The following ZNF469 variants were observed in gnomAD, a reference collection of about 807,000 sequenced individuals.
ZNF469 encodes the protein zinc finger protein 469.
A neutral mutation model predicts 1.0 loss-of-function variants in ZNF469; 1 was observed. That is an observed-to-expected ratio of 1.00 (90% confidence interval 0.35 to 4.73). The LOEUF is 4.73. Among genes scored for constraint, ZNF469 ranks in the 30% most tolerant of loss-of-function variants. ZNF469 has a pLI of 0.16. For missense variants in ZNF469, 6,100 were observed against 5,356.3 expected (o/e 1.14, Z -4.33); for synonymous variants, 2,703 against 2,363.4 (o/e 1.14, Z -4.17).
At chr16:88,341,718 G>A in the ZNF469 span, among the ~76,000 whole-genome samples, 1 of 152,188 alleles carries the variant, frequency 6.6e-6, no homozygotes, top group Non-Finnish European at 1.5e-5. Flanking sequence ...GAGGCAGGTG[G>A]TGCAGCGTCC....
chr16:88,256,117 T>C, the ZNF469 span, among the ~76,000 whole-genome samples: 1 of 152,144 alleles, frequency 6.6e-6, no homozygotes, highest in Non-Finnish European at 1.5e-5. Context: ...ATTCTGTGGG[T>C]TTGGAAAAAT....
chr16:88,154,947 G>A, the ZNF469 span, among the ~76,000 whole-genome samples: 4 of 152,228 alleles, frequency 2.6e-5, no homozygotes, highest in Admixed American at 2.0e-4. Context: ...GCAGTGGGGT[G>A]TGGGTGGCAG....
the ZNF469 span, among the ~76,000 whole-genome samples, chr16:88,233,897 C>T: frequency 3.3e-3 from 505 of 152,362 alleles, 2 homozygotes; most frequent in African/African-American, 0.012. Flanking sequence ...GCCCGCAGCC[C>T]CGTCTGAAGC....
rs1438077988 is a variant in ZNF469, at chr16:88,428,727, C to T, written c.1257C>T (p.Ser419=). The T allele has an allele frequency of 1.3e-6, 2 of 1,547,550 alleles. No individual in the cohort carries two copies. The highest frequency in any genetic ancestry group is 2.4e-5 in the East Asian group (1 of 40,904). The stretch of plus-strand genomic sequence containing the variant: ...ACAGAGCCAGTGGGGTGGACACCAG[C>T]CCGGGGCCTCCGGACACCGAGCTGG... ...QAYRASGVDT[S]PGPPDTELAA... Residue 419 remains serine, a synonymous_variant, in exon 3 of 3, where the codon AGC becomes AGT. Transcript: ENST00000565624.
At chr16:88,371,067 G>T in the ZNF469 span, among the ~76,000 whole-genome samples, 1 of 152,226 alleles carries the variant, frequency 6.6e-6, no homozygotes, top group Non-Finnish European at 1.5e-5. Context: ...AGCCAAGCTG[G>T]CCTAGGCCAG....
chr16:88,355,070 C>T, the ZNF469 span, among the ~76,000 whole-genome samples: 3 of 152,164 alleles, frequency 2.0e-5, no homozygotes, highest in Non-Finnish European at 4.4e-5. Flanking sequence ...CTCCCACAGA[C>T]CTCGGGCCTG....
the ZNF469 span, among the ~76,000 whole-genome samples, chr16:88,290,499 G>A: frequency 6.6e-6 from 1 of 152,154 alleles, no homozygotes; most frequent in Admixed American, 6.5e-5. Flanking sequence ...CACACAATTC[G>A]AGATGTTAGT....
chr16:88,155,302 C>T, the ZNF469 span, among the ~76,000 whole-genome samples: 8 of 152,238 alleles, frequency 5.3e-5, no homozygotes, highest in South Asian at 6.2e-4. Context: ...TTTTGAATGA[C>T]GGCTTTATTG....
upstream of ZNF469, among the ~76,000 whole-genome samples, chr16:88,378,649 T>C (rs2142254076): frequency 6.6e-6 from 1 of 152,198 alleles, no homozygotes; most frequent in East Asian, 1.9e-4. Flanking sequence ...AAAGCTGCTC[T>C]CCCTTCCACT....
chr16:88,179,934 G>T, the ZNF469 span, among the ~76,000 whole-genome samples: 2 of 152,180 alleles, frequency 1.3e-5, no homozygotes, highest in African/African-American at 4.8e-5. Flanking sequence ...AGAATATTGT[G>T]TAATGGCAGA....
chr16:88,429,931 G>A lies in ZNF469; in HGVS notation c.2461G>A (p.Ala821Thr), dbSNP rs1475512087. 1.9e-6 allele frequency: 3 copies of A among 1,550,066 alleles called. No homozygotes were observed. The African/African-American group carries it at 4.1e-5, about 21-fold the overall frequency. ...GAGGACAGGCTTCCTGCCCAGCCTG[G>A]CCGCCACCCCCTTCCCGCTCCCTGC... The part of the protein sequence containing the change: ...PLRTGFLPSL[A>T]ATPFPLPASD... Residue 821 changes from alanine (A) to threonine (T), a missense_variant, in exon 3 of 3, where the codon GCC (alanine) becomes ACC (threonine). Transcript: ENST00000565624.
chr16:88,276,675 T>C, the ZNF469 span: 9 of 152,354 alleles, frequency 5.9e-5, no homozygotes, highest in East Asian at 1.2e-3. Flanking sequence ...ATGAAGACAG[T>C]GCACGAGTTA....
At chr16:88,243,939 T>TGC in the ZNF469 span, among the ~76,000 whole-genome samples, 1 of 114,738 alleles carries the variant, frequency 8.7e-6, no homozygotes, top group Non-Finnish European at 1.8e-5. Flanking sequence ...TATATATATA[T>TGC]ATATATATAT....
the ZNF469 span, among the ~76,000 whole-genome samples, chr16:88,140,353 C>G: frequency 3.3e-5 from 5 of 151,668 alleles, no homozygotes; most frequent in African/African-American, 1.2e-4. Context: ...GAAAGGAGGA[C>G]GGAGCCACGT....
chr16:88,257,530 C>G, the ZNF469 span, among the ~76,000 whole-genome samples: 1 of 152,160 alleles, frequency 6.6e-6, no homozygotes, highest in African/African-American at 2.4e-5. Context: ...TCCAGCTTAT[C>G]AATTATTTCT....
rs903409672 is a variant in ZNF469, at chr16:88,430,952, C to T, written c.3482C>T (p.Ser1161Phe). 2.0e-6 allele frequency: 3 copies of T among 1,535,510 alleles called. No individual in the cohort carries two copies. Among genetic ancestry groups the T allele is most frequent in the Admixed American group, 2.0e-5 (1 of 50,266 alleles). ...GCGAACCCCGAGGAGCCGGGCGGGTCTCGCCCGGGCCCCGGCAGGAGCCCT... is the reference window on the plus strand; with the variant it reads ...GCGAACCCCGAGGAGCCGGGCGGGTTTCGCCCGGGCCCCGGCAGGAGCCCT... Reference protein sequence around the residue: ...APANPEEPGGSRPGPGRSPQA... With the variant: ...APANPEEPGGFRPGPGRSPQA... The change falls in exon 3 of 3, where the codon TCT becomes TTT. Residue 1161 changes from serine to phenylalanine, a missense_variant. Coordinates refer to ENST00000565624, the MANE Select transcript of ZNF469 (RefSeq NM_001367624.2).
At chr16:88,319,836 G>A in the ZNF469 span, among the ~76,000 whole-genome samples, 1 of 152,200 alleles carries the variant, frequency 6.6e-6, no homozygotes, top group Admixed American at 6.5e-5. Flanking sequence ...CTCTGGTGGA[G>A]ACCAAGCTGC....
At chr16:88,358,551 G>A in the ZNF469 span, among the ~76,000 whole-genome samples, 2 of 152,022 alleles carry the variant, frequency 1.3e-5, no homozygotes, top group African/African-American at 4.8e-5. Context: ...CCCAGGCCAG[G>A]CCCTGATGCT....
the ZNF469 span, among the ~76,000 whole-genome samples, chr16:88,227,751 C>G: frequency 6.6e-6 from 1 of 152,216 alleles, no homozygotes; most frequent in East Asian, 1.9e-4. Flanking sequence ...TAACAAATGC[C>G]ACACACCGGA....
Sources: gnomAD v4.1 joint callset for allele counts (sites outside exome capture counted in the v4.1 genomes callset) on GRCh38, gnomAD v4.1.1 for gene constraint, MANE v1.5 for transcripts, NCBI Gene and HGNC (gene_info 2026-07-23, HGNC 2026-07-21) for gene names.